GPM6B: variants seen among roughly 807,000 people sequenced by gnomAD.
GPM6B encodes glycoprotein M6B, also known as neuronal membrane glycoprotein M6-b.
A neutral mutation model predicts 27.2 loss-of-function variants in GPM6B; 4 were observed. The observed-to-expected ratio is 0.15, with a 90% CI of 0.07 to 0.34. The LOEUF (loss-of-function observed/expected upper bound fraction) is 0.34. Ranked by LOEUF, GPM6B falls within the 10% of genes least tolerant of loss-of-function variation. The probability of loss-of-function intolerance (pLI) is 1.00; values close to 1 mark genes in which losing one functional copy is unlikely to be tolerated. For missense variants in GPM6B, 183 were observed against 261.9 expected (o/e 0.70, Z 2.08); for synonymous variants, 124 against 103.1 (o/e 1.20, Z -1.23).
intron 1 of GPM6B, among the ~76,000 whole-genome samples, chrX:13,887,739 G>GAATC (rs2050150862): frequency 8.9e-6 from 1 of 111,808 alleles, no homozygotes; most frequent in Admixed American, 9.5e-5. Context: ...GCTGCACTTA[G>GAATC]AATCACCTGG....
intron 1 of GPM6B, among the ~76,000 whole-genome samples, chrX:13,872,157 A>C: frequency 1.1e-5 from 1 of 89,687 alleles, no homozygotes. Context: ...GCAATATGTG[A>C]CATCACTTTT....
chrX:13,821,914 AAT>A (rs765798675), upstream of GPM6B, among the ~76,000 whole-genome samples: 1 of 112,312 alleles, frequency 8.9e-6, no homozygotes, highest in South Asian at 3.7e-4. Flanking sequence ...ATTCTATGCT[AAT>A]ATGACTATGA....
chrX:13,777,862 C>A (rs1029824497), intron 5 of GPM6B, among the ~76,000 whole-genome samples: 2 of 111,932 alleles, frequency 1.8e-5, no homozygotes, highest in Non-Finnish European at 3.8e-5. Flanking sequence ...TGTTACTGGT[C>A]TGCCAGGAGT....
chrX:13,875,162 C>T (rs1212334531), intron 1 of GPM6B, among the ~76,000 whole-genome samples: 3 of 111,425 alleles, frequency 2.7e-5, no homozygotes, highest in Non-Finnish European at 5.7e-5. Flanking sequence ...GCACAGAGAA[C>T]GAGTATCCAT....
intron 1 of GPM6B, among the ~76,000 whole-genome samples, chrX:13,848,613 TAGTG>T (rs1388290859): frequency 1.8e-5 from 2 of 112,354 alleles, no homozygotes; most frequent in Non-Finnish European, 3.8e-5. Context: ...TAACAAGTGT[TAGTG>T]AGGATGTGGA....
At position 13,787,918 on chromosome X, in the gene GPM6B, G is replaced by C. The variant is rs749703744; in HGVS notation, c.182-2110C>G. Among the ~76,000 whole-genome samples the C allele has an allele frequency of 2.2e-4, 25 of 112,408 alleles. No homozygotes were observed. The East Asian group carries it at 3.9e-3, about 18-fold the overall frequency. On this transcript the variant is annotated intron_variant, in intron 2 of 7. Coordinates refer to ENST00000316715, the MANE Select transcript of GPM6B (RefSeq NM_001001995.3). ...ACAAAGTTGTATCTGGTTCTTAAAG[G>C]ATAAAGATGTGAGGCCTTGGGGCTG...
chrX:13,861,422 A>G (rs920740366), intron 1 of GPM6B, among the ~76,000 whole-genome samples: 1 of 111,514 alleles, frequency 9.0e-6, no homozygotes, highest in African/African-American at 3.3e-5. Flanking sequence ...TTACATTCCC[A>G]CCAGCAGTGT....
rs368993852 is a variant in GPM6B at position 13,779,799 on chromosome X, G to C, written c.697+19C>G. On this transcript the variant is annotated intron_variant, in intron 5 of 7. Transcript: ENST00000316715. ...GGATAATGAAATAACTGGGGGAGGG[G>C]TGAATTAGAAGGAAGTACCGTATTG... 1.8e-6 allele frequency: 2 copies of C among 1,137,838 alleles called. No individual in the cohort carries two copies. The highest frequency in any genetic ancestry group is 2.4e-6 in the Non-Finnish European group (2 of 844,788). 93.8% of individuals were successfully genotyped at this position (1,137,838 alleles called of 1,213,427 possible).
intron 1 of GPM6B, among the ~76,000 whole-genome samples, chrX:13,844,045 G>A (rs182065487): frequency 1.8e-5 from 2 of 111,900 alleles, no homozygotes; most frequent in Non-Finnish European, 3.8e-5. Context: ...TTTACATCTA[G>A]GTCTATGATC....
At chrX:13,864,654 A>G (rs1417605983) in intron 1 of GPM6B, among the ~76,000 whole-genome samples, 1 of 112,683 alleles carries the variant, frequency 8.9e-6, no homozygotes, top group Non-Finnish European at 1.9e-5. Context: ...AGCCCCACAG[A>G]GAAATGAAAG....
chrX:13,870,723 G>T (rs747239142), intron 1 of GPM6B, among the ~76,000 whole-genome samples: 3 of 112,186 alleles, frequency 2.7e-5, no homozygotes, highest in Admixed American at 1.9e-4. Context: ...GAACATGTGT[G>T]TGAAGAAAAG....
chrX:13,920,285 A>AAAAG (rs147145166), intron 1 of GPM6B, among the ~76,000 whole-genome samples: 5 of 83,570 alleles, frequency 6.0e-5, no homozygotes, highest in Non-Finnish European at 9.0e-5. Flanking sequence ...AAAAAAAAAA[A>AAAAG]AAAGAAAGAA....
intron 1 of GPM6B, among the ~76,000 whole-genome samples, chrX:13,866,314 G>A (rs2049917893): frequency 8.9e-6 from 1 of 112,358 alleles, no homozygotes; most frequent in South Asian, 3.7e-4. Flanking sequence ...GGTGAGCTGA[G>A]ATCGCGCCAT....
rs772549028 is a variant in GPM6B, at chrX:13,783,494, A to G, written c.396T>C (p.Tyr132=). ...ACAAGAAGAAAAAGGACGCAATTCCATAGATGACATACTGCATCAGTTGTA... is the reference window on the plus strand; with the variant it reads ...ACAAGAAGAAAAAGGACGCAATTCCGTAGATGACATACTGCATCAGTTGTA... ...EVIQLMQYVI[Y]GIASFFFLYG... Residue 132 remains tyrosine (Y), a synonymous_variant, in exon 4 of 8, where the codon TAT becomes TAC. Transcript: ENST00000316715. 2.1e-5 allele frequency: 25 copies of G among 1,200,577 alleles called. No individual in the cohort carries two copies. Among genetic ancestry groups the G allele is most frequent in the South Asian group, 1.3e-4 (7 of 55,175 alleles).
At chrX:13,865,542 CAAAAAAAAAAAAAA>C (rs1171503867) in intron 1 of GPM6B, among the ~76,000 whole-genome samples, 5 of 14,632 alleles carry the variant, frequency 3.4e-4, no homozygotes, top group Non-Finnish European at 8.0e-4. Context: ...TCCATCTCTT[CAAAAAAAAAAAAAA>C]AAAAAAGAAA....
intron 1 of GPM6B, among the ~76,000 whole-genome samples, chrX:13,823,586 C>T (rs1343452508): frequency 9.6e-6 from 1 of 104,611 alleles, no homozygotes; most frequent in Admixed American, 1.1e-4. Flanking sequence ...GTGGCATGAT[C>T]TCGGCTCCCT....
At chrX:13,908,447 G>T (rs895725226) in intron 1 of GPM6B, among the ~76,000 whole-genome samples, 6 of 112,017 alleles carry the variant, frequency 5.4e-5, no homozygotes, top group East Asian at 5.5e-4. Flanking sequence ...TACCTGACTC[G>T]TACTCTTCAA....
At chrX:13,836,458 A>T (rs1431629495) in intron 1 of GPM6B, among the ~76,000 whole-genome samples, 1 of 112,485 alleles carries the variant, frequency 8.9e-6, no homozygotes, top group Non-Finnish European at 1.9e-5. Flanking sequence ...TATCCAATGA[A>T]GTTCTGTGGA....
intron 1 of GPM6B, among the ~76,000 whole-genome samples, chrX:13,846,790 CTTTTTTTT>C (rs10656571): frequency 7.0e-5 from 6 of 85,435 alleles, no homozygotes; most frequent in African/African-American, 2.8e-4. Flanking sequence ...ACTGCGCCAG[CTTTTTTTT>C]TTTTTTTTTT....
Sources: allele counts gnomAD v4.1 joint callset (sites outside exome capture counted in the v4.1 genomes callset), GRCh38; gene constraint gnomAD v4.1.1; transcripts MANE v1.5; gene names NCBI Gene and HGNC (gene_info 2026-07-23, HGNC 2026-07-21).